Variants in LARGE1 observed in about 807,000 individuals in gnomAD.
LARGE1 encodes LARGE xylosyl- and glucuronyltransferase 1, also known as xylosyl- and glucuronyltransferase LARGE1.
Under a neutral mutation model 87.6 loss-of-function variants are expected in LARGE1, and 43 were observed. The ratio of observed to expected loss-of-function variants is 0.49; its 90% confidence interval spans 0.38 to 0.63. The LOEUF is 0.63. LARGE1 is among the 30% of genes least tolerant of loss of function. The pLI is 0.00. For missense variants in LARGE1, 802 were observed against 1,000.2 expected (o/e 0.80, Z 2.67); for synonymous variants, 434 against 394.6 (o/e 1.10, Z -1.18).
chr22:33,708,400 C>T (rs1680994770), intron 2 of LARGE1, among the ~76,000 whole-genome samples: 5 of 151,952 alleles, frequency 3.3e-5, no homozygotes, highest in Admixed American at 3.3e-4. Context: ...AGCCAGAAGC[C>T]CTCCTGAGTG....
At chr22:33,442,023 G>A (rs767000918) in intron 6 of LARGE1, among the ~76,000 whole-genome samples, 1 of 152,146 alleles carries the variant, frequency 6.6e-6, no homozygotes, top group Admixed American at 6.6e-5. Flanking sequence ...CTGAACTATG[G>A]CTCAGGGATA....
intron 11 of LARGE1, among the ~76,000 whole-genome samples, chr22:33,267,270 C>G (rs188938203): frequency 1.3e-5 from 2 of 151,392 alleles, no homozygotes; most frequent in Non-Finnish European, 2.9e-5. Context: ...CCAAAAAATC[C>G]CTTCTCTCAT....
chr22:33,824,412 T>G (rs1441660330), intron 1 of LARGE1, among the ~76,000 whole-genome samples: 1 of 152,174 alleles, frequency 6.6e-6, no homozygotes, highest in Non-Finnish European at 1.5e-5. Context: ...TATACACTTT[T>G]AAACAATCAG....
chr22:33,892,221 TCATG>T (rs1426455811), intron 1 of LARGE1, among the ~76,000 whole-genome samples: 2 of 152,198 alleles, frequency 1.3e-5, no homozygotes, highest in Non-Finnish European at 2.9e-5. Context: ...TTATTTCTAG[TCATG>T]CACCTGCAGG....
intron 11 of LARGE1, among the ~76,000 whole-genome samples, chr22:33,311,981 C>T (rs953822386): frequency 3.9e-5 from 6 of 152,134 alleles, no homozygotes; most frequent in Non-Finnish European, 7.3e-5. Context: ...TCTGTCCTTC[C>T]GTCTAGTGCC....
intron 7 of LARGE1, among the ~76,000 whole-genome samples, chr22:33,430,401 C>T (rs1198003252): frequency 6.6e-6 from 1 of 152,118 alleles, no homozygotes; most frequent in Admixed American, 6.5e-5. Flanking sequence ...TGCTCTGATG[C>T]CCTCAGCTGC....
Position 33,362,824 on chromosome 22 carries a change from G to A in LARGE1, c.1131+19095C>T, listed in dbSNP as rs1042382873. ...GTGTTAGGTGTGGGTGAGACTAAAG[G>A]GGGGAAAATAGAACTAACCCAGGAC... On this transcript the variant is annotated intron_variant, in intron 9 of 14. Transcript: ENST00000397394. Among the ~76,000 whole-genome samples, 2 of 149,620 alleles carry A rather than the reference G, an allele frequency of 1.3e-5. 1 individual carries two copies. The highest frequency in any genetic ancestry group is 4.9e-5 in the African/African-American group (2 of 40,642).
chr22:33,235,232 G>A (rs907570115), intron 11 of LARGE1, among the ~76,000 whole-genome samples: 4 of 152,170 alleles, frequency 2.6e-5, no homozygotes, highest in African/African-American at 4.8e-5. Context: ...AAGGGAAAGA[G>A]TAGGAAATCT....
intron 6 of LARGE1, among the ~76,000 whole-genome samples, chr22:33,503,998 T>A (rs530177327): frequency 1.3e-5 from 2 of 152,150 alleles, no homozygotes; most frequent in African/African-American, 4.8e-5. Context: ...AATGTCATGC[T>A]AAGTCAAAGA....
chr22:33,360,995 T>A lies in LARGE1; in HGVS notation c.1131+20924A>T, dbSNP rs565420279. Among the ~76,000 whole-genome samples, 5 of 149,188 alleles carry A rather than the reference T, an allele frequency of 3.4e-5. No homozygotes were observed. The East Asian group carries it at 9.7e-4, about 29-fold the overall frequency. ...ACTTTGGGAGGCCGAGGCGGGTGGA[T>A]CACGAGGTCGGGAGTTCAAGACAAG... On this transcript the variant is annotated intron_variant, in intron 9 of 14. Transcript: ENST00000397394.
At position 33,273,028 on chromosome 22, in the gene LARGE1, C is replaced by T. The variant is rs1928456029; in HGVS notation, c.*1399G>A. ...TGTTTATCCACTGCAATTTAGCTCT[C>T]TATGTCAAGGTGTGTCTCAGTAGCT... is the stretch of plus-strand genomic sequence containing the variant. On this transcript the variant is annotated 3_prime_UTR_variant, in exon 15 of 15. Transcript: ENST00000397394. The T allele has an allele frequency of 1.1e-5, 2 of 176,616 alleles. No individual in the cohort carries two copies. Among genetic ancestry groups the T allele is most frequent in the Non-Finnish European group, 2.4e-5 (2 of 84,582 alleles). 10.9% of individuals were successfully genotyped at this position (176,616 alleles called of 1,614,324 possible). A position where few individuals can be genotyped will look rare whatever the true frequency, so the allele number is the denominator to read the frequency against.
intron 7 of LARGE1, 66 bp from the exon 8 acceptor site, chr22:33,384,370 T>A: frequency 9.5e-7 from 1 of 1,056,220 alleles, no homozygotes; most frequent in Non-Finnish European, 1.5e-6. Flanking sequence ...TAGGCACACC[T>A]ACTCACATCA....
chr22:33,081,746 C>T, the LARGE1 span, among the ~76,000 whole-genome samples: 1 of 152,074 alleles, frequency 6.6e-6, no homozygotes, highest in African/African-American at 2.4e-5. Flanking sequence ...AGACTGGGAA[C>T]ATCTGACAAA....
rs73882288 is a variant in LARGE1, at chr22:33,660,840, T to C, written c.107-10172A>G. Among the ~76,000 whole-genome samples the C allele has an allele frequency of 5.9e-3, 895 of 152,342 alleles. 10 individuals carry two copies. Among genetic ancestry groups the C allele is most frequent in the African/African-American group, 0.021 (856 of 41,582 alleles). On this transcript the variant is annotated intron_variant, in intron 2 of 14. Coordinates refer to ENST00000397394, the MANE Select transcript of LARGE1 (RefSeq NM_133642.5). ...TTTAGCAGCACTCAAGATGAAAGAT[T>C]TCATAAGTGTTTTTTCCACTGATTT...
intron 2 of LARGE1, among the ~76,000 whole-genome samples, chr22:33,757,375 A>G (rs1168638125): frequency 1.3e-5 from 2 of 152,214 alleles, no homozygotes; most frequent in Non-Finnish European, 2.9e-5. Context: ...AGACGTTAGA[A>G]TCAGAAGCTT....
At chr22:33,339,597 T>A (rs1938917620) in intron 9 of LARGE1, among the ~76,000 whole-genome samples, 1 of 152,014 alleles carries the variant, frequency 6.6e-6, no homozygotes, top group African/African-American at 2.4e-5. Flanking sequence ...CCGCTGTAAC[T>A]TCCAGCCGAG....
chr22:33,850,894 C>A (rs1480602828), intron 1 of LARGE1, among the ~76,000 whole-genome samples: 1 of 152,028 alleles, frequency 6.6e-6, no homozygotes, highest in Non-Finnish European at 1.5e-5. Context: ...CTATAAGTAA[C>A]CTAACCGGTC....
At chr22:33,355,736 G>T (rs1940831918) in intron 9 of LARGE1, among the ~76,000 whole-genome samples, 1 of 59,632 alleles carries the variant, frequency 1.7e-5, no homozygotes, top group Admixed American at 1.6e-4. Flanking sequence ...TTCTATAGGG[G>T]AGGCTCTCAG....
intron 6 of LARGE1, among the ~76,000 whole-genome samples, chr22:33,541,832 G>A (rs2077219737): frequency 6.6e-6 from 1 of 151,936 alleles, no homozygotes; most frequent in African/African-American, 2.4e-5. Flanking sequence ...AACATTTGGG[G>A]TTGAGCCCCT....
Sources: allele counts gnomAD v4.1 joint callset (sites outside exome capture counted in the v4.1 genomes callset), GRCh38; gene constraint gnomAD v4.1.1; transcripts MANE v1.5; gene names NCBI Gene and HGNC (gene_info 2026-07-23, HGNC 2026-07-21).